MYRFL: variants seen among roughly 807,000 people sequenced by gnomAD.
MYRFL encodes the protein myelin regulatory factor-like protein.
Under a neutral mutation model 109.4 loss-of-function variants are expected in MYRFL, and 88 were observed. The observed-to-expected ratio is 0.80, with a 90% confidence interval of 0.68 to 0.96. The LOEUF is 0.96. MYRFL is among the 40% of genes least tolerant of loss of function. The pLI is 0.00. For synonymous variants in MYRFL, 324 were observed against 320.9 expected, an observed-to-expected ratio of 1.01 and a Z score of -0.10; for missense variants, 957 against 954.9, an observed-to-expected ratio of 1.00 and a Z score of -0.03.
intron 15 of MYRFL, among the ~76,000 whole-genome samples, chr12:69,931,809 C>T (rs541533462): frequency 1.8e-4 from 28 of 152,274 alleles, no homozygotes; most frequent in African/African-American, 6.0e-4. Flanking sequence ...TTGGCCTGTT[C>T]CCCATATGCA....
intron 6 of MYRFL, among the ~76,000 whole-genome samples, chr12:69,887,331 T>C (rs1469897023): frequency 1.3e-5 from 2 of 152,070 alleles, no homozygotes; most frequent in African/African-American, 4.8e-5. Flanking sequence ...ATAAAATACT[T>C]TTCTGGGGGC....
In MYRFL at chr12:69,847,166, A is replaced by G. The variant is rs374140053; in HGVS notation, c.47-8114A>G. Among the ~76,000 whole-genome samples, 30 of 152,280 alleles carry G rather than the reference A, an allele frequency of 2.0e-4. No individual in the cohort carries two copies. The South Asian group carries it at 5.4e-3, about 27-fold the overall frequency. Reference sequence around the variant, plus strand: ...GTGCCACTCAAACTGCTGCAGTAAGACAAAGGCTTAGTCAGAGGGCTCTGA... The same window carrying G: ...GTGCCACTCAAACTGCTGCAGTAAGGCAAAGGCTTAGTCAGAGGGCTCTGA... On this transcript the variant is annotated intron_variant, in intron 1 of 24. Coordinates refer to ENST00000552032, the MANE Select transcript of MYRFL (RefSeq NM_182530.3).
At chr12:69,933,487 A>G (rs190876467) in intron 16 of MYRFL, among the ~76,000 whole-genome samples, 1 of 152,082 alleles carries the variant, frequency 6.6e-6, no homozygotes, top group Non-Finnish European at 1.5e-5. Context: ...AGGGGAGACA[A>G]TTATTCTCAG....
intron 19 of MYRFL, among the ~76,000 whole-genome samples, chr12:69,937,816 TG>T (rs765471033): frequency 7.9e-5 from 12 of 152,344 alleles, no homozygotes; most frequent in Admixed American, 2.0e-4. Context: ...TTGACATTAT[TG>T]CATATCCTAG....
chr12:69,872,763 T>A (rs1225978478), intron 2 of MYRFL, among the ~76,000 whole-genome samples: 2 of 151,994 alleles, frequency 1.3e-5, no homozygotes, highest in Non-Finnish European at 2.9e-5. Flanking sequence ...CCTCCCAAAG[T>A]GCTGGGATTA....
chr12:69,837,322 A>G (rs1883006709), intron 1 of MYRFL, among the ~76,000 whole-genome samples: 1 of 152,112 alleles, frequency 6.6e-6, no homozygotes, highest in South Asian at 2.1e-4. Flanking sequence ...AATTGCTCAC[A>G]AACTGGCCAC....
intron 2 of MYRFL, among the ~76,000 whole-genome samples, chr12:69,860,360 T>C (rs1388213923): frequency 2.6e-5 from 4 of 152,194 alleles, no homozygotes; most frequent in African/African-American, 9.6e-5. Flanking sequence ...TGATGGACAT[T>C]TAGGTTGATT....
At chr12:69,880,156 A>G (rs1443437744) in intron 4 of MYRFL, 45 bp from the exon 5 acceptor site, 1 of 698,332 alleles carries the variant, frequency 1.4e-6, no homozygotes, top group Middle Eastern at 2.3e-4. Context: ...ATAACATGGA[A>G]CACAAGGAAG....
intron 1 of MYRFL, among the ~76,000 whole-genome samples, chr12:69,845,726 GT>G (rs1451573647): frequency 6.9e-6 from 1 of 145,102 alleles, no homozygotes; most frequent in Non-Finnish European, 1.5e-5. Context: ...TCAATTATCT[GT>G]CATCTATTTC....
intron 16 of MYRFL, 29 bp from the exon 17 acceptor site, chr12:69,936,084 T>TTG: frequency 8.2e-7 from 1 of 1,212,228 alleles, no homozygotes; most frequent in Admixed American, 3.3e-5. Context: ...TAATGTTTTT[T>TTG]TTTTTTTTTT....
In MYRFL at chr12:69,855,296, T is replaced by C. The variant is rs1441481465; in HGVS notation, c.63T>C (p.Gly21=). The C allele has an allele frequency of 1.4e-6, 1 of 702,658 alleles. No individual in the cohort carries two copies. Among genetic ancestry groups the C allele is most frequent in the Admixed American group, 2.0e-5 (1 of 49,990 alleles). 43.5% of individuals were successfully genotyped at this position (702,658 alleles called of 1,614,324 possible). The part of the protein sequence containing the change: ...QQFFEAQGAN[G]TLENPALDTS... ...CCTTTGCAGCTCAGGGAGCCAATGG[T>C]ACTCTGGAGAACCCAGCCCTGGACA... The change falls in exon 2 of 25, where the codon GGT becomes GGC. Residue 21 remains glycine, a synonymous_variant. Transcript: ENST00000552032.
chr12:69,861,288 G>T (rs1479496584), intron 2 of MYRFL, among the ~76,000 whole-genome samples: 4 of 152,044 alleles, frequency 2.6e-5, no homozygotes, highest in Non-Finnish European at 5.9e-5. Context: ...GGGTCAAATG[G>T]TATTTCTAGT....
chr12:69,955,049 A>C lies in MYRFL; in HGVS notation c.2376-314A>C, dbSNP rs1333941756. ...ATCTGTGTCTCTTTAAAGGGGACTAAAGTCATTTCCTGTGTGAAAAAGCCA... is the reference window on the plus strand; with the variant it reads ...ATCTGTGTCTCTTTAAAGGGGACTACAGTCATTTCCTGTGTGAAAAAGCCA... On this transcript the variant is annotated intron_variant, in intron 21 of 24. Transcript: ENST00000552032. 1.9e-4 allele frequency among the ~76,000 whole-genome samples: 29 copies of C among 152,266 alleles called. 3 individuals are homozygous for C. In the South Asian group the frequency reaches 5.4e-3, roughly 28 times the overall value.
intron 5 of MYRFL, among the ~76,000 whole-genome samples, chr12:69,882,565 T>C (rs1372891274): frequency 6.6e-6 from 1 of 152,186 alleles, no homozygotes; most frequent in East Asian, 1.9e-4. Flanking sequence ...AAAACTTTTC[T>C]AGTGACCTCC....
In MYRFL at chr12:69,903,587, G is replaced by A. The variant is rs184082955; in HGVS notation, c.1183-57G>A. On this transcript the variant is annotated intron_variant, in intron 10 of 24. Coordinates refer to ENST00000552032, the MANE Select transcript of MYRFL (RefSeq NM_182530.3). ...TTGCCTTTGCTCTGAACACTAATGTGATCATCTATTCCTGCTACTGTTACT... is the reference window on the plus strand; with the variant it reads ...TTGCCTTTGCTCTGAACACTAATGTAATCATCTATTCCTGCTACTGTTACT... 312 of 1,498,262 alleles carry A rather than the reference G, an allele frequency of 2.1e-4. No individual in the cohort carries two copies. The African/African-American group carries it at 3.7e-3, about 18-fold the overall frequency. 92.8% of individuals were successfully genotyped at this position (1,498,262 alleles called of 1,614,324 possible).
At chr12:69,856,177 C>T (rs940472481) in intron 2 of MYRFL, among the ~76,000 whole-genome samples, 1 of 152,144 alleles carries the variant, frequency 6.6e-6, no homozygotes, top group African/African-American at 2.4e-5. Flanking sequence ...TGAAACCATA[C>T]AGTATATAAC....
At chr12:69,955,893 G>A (rs1222342058) in intron 22 of MYRFL, among the ~76,000 whole-genome samples, 1 of 151,460 alleles carries the variant, frequency 6.6e-6, no homozygotes, top group Non-Finnish European at 1.5e-5. Flanking sequence ...ACAGACCAGG[G>A]TCCAAGGATT....
chr12:69,901,765 A>G (rs2136344598), intron 10 of MYRFL, among the ~76,000 whole-genome samples: 1 of 152,310 alleles, frequency 6.6e-6, no homozygotes, highest in East Asian at 1.9e-4. Flanking sequence ...GCTCTAGGGA[A>G]CTTGCAGAAA....
intron 13 of MYRFL, among the ~76,000 whole-genome samples, chr12:69,923,569 C>A (rs879698476): frequency 9.2e-5 from 14 of 152,202 alleles, no homozygotes; most frequent in Non-Finnish European, 1.5e-4. Context: ...GCACTATTAA[C>A]TATGTATTTG....
Sources: gnomAD v4.1 joint callset for allele counts (sites outside exome capture counted in the v4.1 genomes callset) on GRCh38, gnomAD v4.1.1 for gene constraint, MANE v1.5 for transcripts, NCBI Gene and HGNC (gene_info 2026-07-23, HGNC 2026-07-21) for gene names.